The following STIM2 variants were observed in gnomAD, a reference collection of about 807,000 sequenced individuals.
The protein encoded by STIM2 is stromal interaction molecule 2.
A neutral mutation model predicts 85.8 loss-of-function variants in STIM2; 31 were observed. The observed-to-expected ratio is 0.36, with a 90% confidence interval of 0.27 to 0.49. The LOEUF is 0.49. Ranked by LOEUF, STIM2 falls within the 20% of genes least tolerant of loss-of-function variation. STIM2 has a pLI of 0.98. For missense variants in STIM2, 841 were observed against 927.6 expected (o/e 0.91, Z 1.21); for synonymous variants, 356 against 331.1 (o/e 1.08, Z -0.82).
At position 27,007,714 on chromosome 4, in the gene STIM2, T is replaced by G. The variant is rs755771293; in HGVS notation, c.1149+14T>G. The G allele has an allele frequency of 6.5e-7, 1 of 1,538,768 alleles. No individual in the cohort carries two copies. The highest frequency in any genetic ancestry group is 2.1e-5 in the Admixed American group (1 of 46,764). The stretch of plus-strand genomic sequence containing the variant: ...GCTAAAGATGAGGTACTCTCTTGTA[T>G]TTCAAAATTTACTAAATTTGTTTCT... On this transcript the variant is annotated intron_variant, in intron 8 of 11. Transcript: ENST00000467087.
intron 3 of STIM2, among the ~76,000 whole-genome samples, chr4:26,981,127 C>G (rs1417585575): frequency 6.6e-6 from 1 of 152,168 alleles, no homozygotes; most frequent in Non-Finnish European, 1.5e-5. Flanking sequence ...GTATTCAAGT[C>G]TCTACATAAC....
intron 7 of STIM2, among the ~76,000 whole-genome samples, chr4:27,003,687 A>G (rs1728237718): frequency 6.6e-6 from 1 of 152,148 alleles, no homozygotes; most frequent in Non-Finnish European, 1.5e-5. Flanking sequence ...AAAAGAAAAA[A>G]AAAAGCCACA....
chr4:26,948,802 T>G (rs1247195739), intron 2 of STIM2, among the ~76,000 whole-genome samples: 1 of 152,126 alleles, frequency 6.6e-6, no homozygotes, highest in Non-Finnish European at 1.5e-5. Context: ...TAAAGGAAAT[T>G]GTAATTAATA....
chr4:26,891,558 TACACACACACACACACACACACACAC>T (rs71643700), intron 1 of STIM2, among the ~76,000 whole-genome samples: 1 of 144,540 alleles, frequency 6.9e-6, no homozygotes, highest in Admixed American at 7.0e-5. Context: ...TATACATACA[TACACACACACACACACACACACACAC>T]ACACACACAC....
intron 2 of STIM2, among the ~76,000 whole-genome samples, chr4:26,930,956 G>C (rs1055915311): frequency 6.6e-6 from 1 of 152,016 alleles, no homozygotes; most frequent in Non-Finnish European, 1.5e-5. Context: ...TCTGGCTCTG[G>C]GTCTTTCACA....
chr4:27,003,999 A>G (rs976264765), intron 7 of STIM2, among the ~76,000 whole-genome samples: 3 of 152,226 alleles, frequency 2.0e-5, no homozygotes, highest in Non-Finnish European at 4.4e-5. Context: ...GCTCAAAATT[A>G]GAGGTGACTC....
Position 26,867,911 on chromosome 4 carries a change from A to G in STIM2, c.151+6542A>G, listed in dbSNP as rs184391119. ...TAGTCTAGCTGAACATTTCCTCCTC[A>G]GAGAACTTCATTACTAGGAAAGTTC... On this transcript the variant is annotated intron_variant, in intron 1 of 11. Transcript: ENST00000467087. Among the ~76,000 whole-genome samples the G allele has an allele frequency of 1.2e-4, 19 of 152,292 alleles. No individual in the cohort carries two copies. The East Asian group carries it at 3.7e-3, about 29-fold the overall frequency.
At chr4:26,973,684 C>G (rs940655182) in intron 3 of STIM2, among the ~76,000 whole-genome samples, 1 of 151,944 alleles carries the variant, frequency 6.6e-6, no homozygotes, top group African/African-American at 2.4e-5. Flanking sequence ...AGAATAAGTG[C>G]GATGTGGTGC....
intron 1 of STIM2, among the ~76,000 whole-genome samples, chr4:26,865,391 A>C (rs1253711239): frequency 6.6e-6 from 1 of 152,332 alleles, no homozygotes; most frequent in East Asian, 1.9e-4. Context: ...AGGGCCAGTT[A>C]GAAAAGTGGA....
chr4:26,863,082 G>A (rs1485640306), intron 1 of STIM2, among the ~76,000 whole-genome samples: 1 of 152,134 alleles, frequency 6.6e-6, no homozygotes, highest in African/African-American at 2.4e-5. Flanking sequence ...ATTTTATACT[G>A]TGTAGATCAC....
At chr4:26,929,430 T>C (rs919883095) in intron 2 of STIM2, among the ~76,000 whole-genome samples, 1 of 152,134 alleles carries the variant, frequency 6.6e-6, no homozygotes, top group Non-Finnish European at 1.5e-5. Flanking sequence ...TTTATGGACC[T>C]TTACTGGCCT....
At position 27,021,333 on chromosome 4, in the gene STIM2, A is replaced by T. The variant is rs1011837660; in HGVS notation, c.1764-1186A>T. 3.0e-5 allele frequency: 12 copies of T among 404,970 alleles called. 1 individual carries two copies. The highest frequency in any genetic ancestry group is 2.5e-4 in the African/African-American group (12 of 48,666). 25.1% of individuals were successfully genotyped at this position (404,970 alleles called of 1,614,324 possible). On this transcript the variant is annotated intron_variant, in intron 11 of 11. Transcript: ENST00000467087. ...TGGGGTTGCAAACAAAGACAGGTAA[A>T]AGGAAAGAGAATGCTGTTTCAGACA...
At chr4:26,941,196 C>T (rs887222869) in intron 2 of STIM2, among the ~76,000 whole-genome samples, 2 of 152,026 alleles carry the variant, frequency 1.3e-5, no homozygotes, top group Non-Finnish European at 2.9e-5. Context: ...CTTAGGATTT[C>T]GTTCAGTCTC....
intron 1 of STIM2, among the ~76,000 whole-genome samples, chr4:26,895,267 G>A (rs1413782906): frequency 6.6e-6 from 1 of 152,150 alleles, no homozygotes; most frequent in African/African-American, 2.4e-5. Context: ...ATTTAAGTCT[G>A]TTTTAGTGGC....
intron 1 of STIM2, among the ~76,000 whole-genome samples, chr4:26,880,684 T>TATATATGTAAAA (rs1560192619): frequency 6.2e-5 from 9 of 146,156 alleles, no homozygotes; most frequent in Non-Finnish European, 1.2e-4. Flanking sequence ...TATATGTAAA[T>TATATATGTAAAA]ATATATATAT....
intron 3 of STIM2, among the ~76,000 whole-genome samples, chr4:26,984,612 G>A (rs995717997): frequency 5.9e-5 from 9 of 152,154 alleles, no homozygotes; most frequent in African/African-American, 1.7e-4. Flanking sequence ...TGATCTGCCC[G>A]CCTCTGGCTC....
intron 11 of STIM2, chr4:27,020,930 A>T: frequency 1.4e-6 from 2 of 1,394,294 alleles, no homozygotes; most frequent in Non-Finnish European, 2.0e-6. Context: ...CTCACACTGT[A>T]TTTCTTTTGC....
At chr4:26,911,445 G>A (rs1401324952) in intron 1 of STIM2, among the ~76,000 whole-genome samples, 1 of 152,028 alleles carries the variant, frequency 6.6e-6, no homozygotes, top group African/African-American at 2.4e-5. Flanking sequence ...GTTCTAAGAG[G>A]CAGTCATCAG....
At chr4:26,882,020 G>A (rs940177920) in intron 1 of STIM2, among the ~76,000 whole-genome samples, 1 of 152,142 alleles carries the variant, frequency 6.6e-6, no homozygotes, top group Non-Finnish European at 1.5e-5. Flanking sequence ...GTGCCCAATA[G>A]TGTTTTTATT....
Sources: allele counts gnomAD v4.1 joint callset (sites outside exome capture counted in the v4.1 genomes callset), GRCh38; gene constraint gnomAD v4.1.1; transcripts MANE v1.5; gene names NCBI Gene and HGNC (gene_info 2026-07-23, HGNC 2026-07-21).